The following WWOX variants were observed in gnomAD, a reference collection of about 807,000 sequenced individuals.
The protein encoded by WWOX is WW domain-containing oxidoreductase.
In WWOX, 69 loss-of-function variants were observed where a neutral mutation model predicts 46.2. The ratio of observed to expected loss-of-function variants is 1.49; its 90% CI spans 1.23 to 1.82. WWOX has a LOEUF of 1.82. Among genes scored for constraint, WWOX ranks in the 40% most tolerant of loss-of-function variants. WWOX has a pLI of 0.00. For synonymous variants in WWOX, 359 were observed against 202.6 expected, an observed-to-expected ratio of 1.77 and a Z score of -6.56; for missense variants, 919 against 542.6, an observed-to-expected ratio of 1.69 and a Z score of -6.89.
At chr16:78,729,569 G>C (rs1027413167) in intron 8 of WWOX, among the ~76,000 whole-genome samples, 4 of 152,018 alleles carry the variant, frequency 2.6e-5, no homozygotes, top group East Asian at 3.9e-4. Context: ...GATATGCCTG[G>C]AGCCATCAGG....
At chr16:78,137,077 C>T (rs2033820203) in intron 4 of WWOX, among the ~76,000 whole-genome samples, 1 of 152,162 alleles carries the variant, frequency 6.6e-6, no homozygotes, top group Admixed American at 6.5e-5. Flanking sequence ...CTCCCTTGAG[C>T]AGGAATAAGT....
chr16:78,636,074 C>T (rs1200931296), intron 8 of WWOX, among the ~76,000 whole-genome samples: 2 of 152,144 alleles, frequency 1.3e-5, no homozygotes, highest in Non-Finnish European at 2.9e-5. Flanking sequence ...CTAGGAGAGA[C>T]ATCTGCACTC....
intron 6 of WWOX, among the ~76,000 whole-genome samples, chr16:78,419,842 G>A (rs778787628): frequency 7.2e-5 from 11 of 151,978 alleles, no homozygotes; most frequent in South Asian, 4.1e-4. Context: ...ATACCATCAC[G>A]AAAGTGTACA....
chr16:78,243,552 T>C (rs1443132637), intron 5 of WWOX, among the ~76,000 whole-genome samples: 1 of 151,930 alleles, frequency 6.6e-6, no homozygotes, highest in Non-Finnish European at 1.5e-5. Context: ...GTCTATTGTT[T>C]CCTTCTTTTT....
intron 8 of WWOX, among the ~76,000 whole-genome samples, chr16:78,826,433 C>G (rs1202182513): frequency 1.3e-5 from 2 of 152,218 alleles, no homozygotes; most frequent in Admixed American, 6.5e-5. Flanking sequence ...ACTTTGGAGG[C>G]TCTAGCTAAG....
At chr16:79,040,893 A>C (rs1233051082) in intron 8 of WWOX, among the ~76,000 whole-genome samples, 1 of 151,958 alleles carries the variant, frequency 6.6e-6, no homozygotes. Context: ...CAATTTGCCC[A>C]AGGGAGAGGT....
At chr16:78,681,963 G>A (rs1415270598) in intron 8 of WWOX, among the ~76,000 whole-genome samples, 1 of 152,180 alleles carries the variant, frequency 6.6e-6, no homozygotes, top group Non-Finnish European at 1.5e-5. Context: ...GCGCCCAGAT[G>A]TCACTGATGC....
chr16:78,652,037 T>C (rs1000654151), intron 8 of WWOX, among the ~76,000 whole-genome samples: 4 of 152,002 alleles, frequency 2.6e-5, no homozygotes, highest in Non-Finnish European at 5.9e-5. Flanking sequence ...CCTAGGACTG[T>C]TTTAAAGGAA....
chr16:78,694,153 C>T (rs1424264124), intron 8 of WWOX, among the ~76,000 whole-genome samples: 2 of 152,010 alleles, frequency 1.3e-5, no homozygotes, highest in Non-Finnish European at 2.9e-5. Flanking sequence ...GCAGAGGTTG[C>T]GGTGAGCTGA....
Position 78,424,881 on chromosome 16 carries a change from T to C in WWOX, c.617T>C (p.Val206Ala). The part of the protein sequence containing the change: ...AFKAKNVPLH[V>A]LVCNAATFAL... ...ATTTTATTTTTCAGGCCTCTTCATG[T>C]GCTTGTGTGCAACGCAGCAACTTTT... The change falls in exon 7 of 9, where the codon GTG (valine) becomes GCG (alanine). Residue 206 changes from valine (V) to alanine (A), a missense_variant. Coordinates refer to ENST00000566780, the MANE Select transcript of WWOX (RefSeq NM_016373.4). 6.2e-7 allele frequency: 1 copy of C among 1,614,198 alleles called. No individual in the cohort carries two copies. Among genetic ancestry groups the C allele is most frequent in the Non-Finnish European group, 8.5e-7 (1 of 1,180,032 alleles).
At chr16:78,656,538 G>T (rs2047085077) in intron 8 of WWOX, among the ~76,000 whole-genome samples, 1 of 152,162 alleles carries the variant, frequency 6.6e-6, no homozygotes, top group African/African-American at 2.4e-5. Context: ...AGCGAAGGAG[G>T]AGGTACTACC....
intron 5 of WWOX, among the ~76,000 whole-genome samples, chr16:78,220,004 A>G (rs1441883269): frequency 6.6e-6 from 1 of 152,242 alleles, no homozygotes; most frequent in Admixed American, 6.5e-5. Context: ...CATTACCAGT[A>G]TAATTATTCT....
At chr16:78,910,430 C>A (rs552840314) in intron 8 of WWOX, among the ~76,000 whole-genome samples, 1 of 151,858 alleles carries the variant, frequency 6.6e-6, no homozygotes, top group Admixed American at 6.6e-5. Flanking sequence ...GGTTGTTCCT[C>A]ACTGCAGGAG....
At chr16:78,112,200 G>T (rs1001774434) in intron 3 of WWOX, among the ~76,000 whole-genome samples, 1 of 152,174 alleles carries the variant, frequency 6.6e-6, no homozygotes, top group Non-Finnish European at 1.5e-5. Flanking sequence ...CAAAGAATCT[G>T]ATTGCTACAT....
intron 8 of WWOX, among the ~76,000 whole-genome samples, chr16:79,047,571 G>GT (rs2048088923): frequency 6.7e-6 from 1 of 150,232 alleles, no homozygotes; most frequent in Non-Finnish European, 1.5e-5. Flanking sequence ...TGTGGCTGCT[G>GT]TAACAGATTA....
At chr16:78,647,800 A>G (rs1269583809) in intron 8 of WWOX, among the ~76,000 whole-genome samples, 2 of 152,132 alleles carry the variant, frequency 1.3e-5, no homozygotes, top group African/African-American at 4.8e-5. Flanking sequence ...GAAGCCACAA[A>G]CGTGTTAGCT....
chr16:78,623,711 G>A (rs1836864986), intron 8 of WWOX, among the ~76,000 whole-genome samples: 1 of 146,398 alleles, frequency 6.8e-6, no homozygotes, highest in Admixed American at 7.0e-5. Flanking sequence ...CTCCAGCCTG[G>A]GCAACAGAGT....
chr16:78,545,821 G>C (rs1424863704), intron 8 of WWOX, among the ~76,000 whole-genome samples: 2 of 152,128 alleles, frequency 1.3e-5, no homozygotes, highest in Non-Finnish European at 2.9e-5. Context: ...TTCTTGCTCT[G>C]TCCTCACGTG....
chr16:79,061,691 T>A (rs1278839482), intron 8 of WWOX, among the ~76,000 whole-genome samples: 1 of 152,236 alleles, frequency 6.6e-6, no homozygotes, highest in Non-Finnish European at 1.5e-5. Flanking sequence ...ATAGCTGCAC[T>A]GAAAACAAAC....
Sources: gnomAD v4.1 joint callset for allele counts (sites outside exome capture counted in the v4.1 genomes callset) on GRCh38, gnomAD v4.1.1 for gene constraint, MANE v1.5 for transcripts, NCBI Gene and HGNC (gene_info 2026-07-23, HGNC 2026-07-21) for gene names.